The following SOX5 variants were observed in gnomAD, a reference collection of about 807,000 sequenced individuals.
SOX5 encodes the protein SRY-box transcription factor 5, also known as transcription factor SOX-5.
Under a neutral mutation model 92.0 loss-of-function variants are expected in SOX5, and 9 were observed. That is an observed-to-expected ratio of 0.10 (90% CI 0.06 to 0.17). The LOEUF (loss-of-function observed/expected upper bound fraction) is 0.17, where lower values mean the gene tolerates loss of function less well. SOX5 is among the 10% of genes least tolerant of loss of function. The probability of loss-of-function intolerance (pLI) is 1.00; values close to 1 mark genes in which losing one functional copy is unlikely to be tolerated. For synonymous variants in SOX5, 344 were observed against 336.3 expected (o/e 1.02, Z -0.25); for missense variants, 642 against 944.5 (o/e 0.68, Z 4.20).
chr12:23,972,640 T>G (rs1948473604), intron 4 of SOX5, among the ~76,000 whole-genome samples: 1 of 152,200 alleles, frequency 6.6e-6, no homozygotes, highest in South Asian at 2.1e-4. Flanking sequence ...ATTACAGGTA[T>G]GAGCCACTGC....
chr12:24,489,419 G>T lies in SOX5; in HGVS notation c.-251+72910C>A, dbSNP rs567961978. ...TGGGAGCTTGCTTCCTTTCCCTGGG[G>T]GTCTAAGTGGACTTGCGGGAGGCTG... On this transcript the variant is annotated intron_variant, in intron 1 of 4. Transcript: ENST00000446891. Among the ~76,000 whole-genome samples the T allele has an allele frequency of 2.0e-5, 3 of 152,180 alleles. No homozygotes were observed. The South Asian group carries it at 6.2e-4, about 32-fold the overall frequency.
chr12:23,628,615 C>T (rs1015120077), intron 8 of SOX5, among the ~76,000 whole-genome samples: 7 of 151,902 alleles, frequency 4.6e-5, no homozygotes, highest in African/African-American at 9.7e-5. Flanking sequence ...TCACTTTCTT[C>T]ATTCAAGGAG....
intron 7 of SOX5, among the ~76,000 whole-genome samples, chr12:23,662,451 A>G (rs1430927730): frequency 1.3e-5 from 2 of 152,092 alleles, no homozygotes; most frequent in African/African-American, 4.8e-5. Context: ...TGTCTAGTCA[A>G]TTTTCTCTGC....
At chr12:24,056,011 T>G (rs1263957474) in intron 4 of SOX5, among the ~76,000 whole-genome samples, 1 of 152,204 alleles carries the variant, frequency 6.6e-6, no homozygotes, top group South Asian at 2.1e-4. Context: ...CTCTCAATCT[T>G]TAACCATGTC....
chr12:23,830,619 C>T (rs150051293), intron 3 of SOX5, among the ~76,000 whole-genome samples: 69 of 152,244 alleles, frequency 4.5e-4, no homozygotes, highest in African/African-American at 1.6e-3. Flanking sequence ...GATCCGTTCA[C>T]TTTTTATTTT....
chr12:23,606,411 T>G (rs917655578), intron 8 of SOX5, among the ~76,000 whole-genome samples: 1 of 151,682 alleles, frequency 6.6e-6, no homozygotes, highest in Non-Finnish European at 1.5e-5. Context: ...TATTACTGAT[T>G]CGTTATACAC....
intron 8 of SOX5, among the ~76,000 whole-genome samples, chr12:23,610,710 C>T (rs2075847692): frequency 6.6e-6 from 1 of 152,054 alleles, no homozygotes; most frequent in Non-Finnish European, 1.5e-5. Flanking sequence ...CATTCATTCA[C>T]TCATTTCATT....
intron 4 of SOX5, among the ~76,000 whole-genome samples, chr12:24,008,435 T>A (rs755858352): frequency 4.6e-5 from 7 of 152,184 alleles, no homozygotes; most frequent in Admixed American, 1.3e-4. Flanking sequence ...GGCCTAATTA[T>A]GTCAGTCAGT....
In SOX5 at chr12:24,514,753, G is replaced by A. The variant is rs555734191; in HGVS notation, c.-251+47576C>T. 3.9e-5 allele frequency among the ~76,000 whole-genome samples: 6 copies of A among 152,234 alleles called. No homozygotes were observed. The South Asian group carries it at 1.0e-3, about 26-fold the overall frequency. On this transcript the variant is annotated intron_variant, in intron 1 of 4. Coordinates refer to the SOX5 transcript ENST00000446891. ...AAGGATGAGCTCATATCCTTTGCAGGGACATGGATGGAACTGGGGGCCATT... is the reference window on the plus strand; with the variant it reads ...AAGGATGAGCTCATATCCTTTGCAGAGACATGGATGGAACTGGGGGCCATT...
intron 3 of SOX5, among the ~76,000 whole-genome samples, chr12:23,761,174 G>A (rs889181187): frequency 2.0e-5 from 3 of 152,094 alleles, no homozygotes; most frequent in Non-Finnish European, 4.4e-5. Context: ...GACTATTCAT[G>A]CCATAAAATA....
chr12:23,591,825 CAT>C (rs1362075256), intron 9 of SOX5, among the ~76,000 whole-genome samples: 8 of 152,126 alleles, frequency 5.3e-5, no homozygotes, highest in African/African-American at 1.7e-4. Flanking sequence ...CTTCTTAAAA[CAT>C]ACTTCACAAC....
chr12:24,051,574 T>G (rs776197731), intron 4 of SOX5, among the ~76,000 whole-genome samples: 1 of 152,138 alleles, frequency 6.6e-6, no homozygotes, highest in South Asian at 2.1e-4. Context: ...TTTTTTACAT[T>G]TAAGATTGTA....
chr12:24,366,486 C>T (rs1425805962), intron 2 of SOX5, among the ~76,000 whole-genome samples: 1 of 152,050 alleles, frequency 6.6e-6, no homozygotes, highest in African/African-American at 2.4e-5. Context: ...CATCTTGCTA[C>T]CAAATGAAGT....
intron 1 of SOX5, among the ~76,000 whole-genome samples, chr12:24,478,409 C>T (rs1192550381): frequency 1.3e-5 from 2 of 152,152 alleles, no homozygotes; most frequent in Non-Finnish European, 2.9e-5. Flanking sequence ...TCAATAGCTT[C>T]ATCAGAACAC....
chr12:24,267,426 AAC>A (rs985772568), intron 3 of SOX5, among the ~76,000 whole-genome samples: 5 of 152,210 alleles, frequency 3.3e-5, no homozygotes, highest in Admixed American at 1.3e-4. Flanking sequence ...GAAAATAAAA[AAC>A]ACAATTCATA....
chr12:23,715,797 G>C (rs956750786), intron 6 of SOX5, among the ~76,000 whole-genome samples: 1 of 105,546 alleles, frequency 9.5e-6, no homozygotes, highest in Non-Finnish European at 1.7e-5. Context: ...TAAGGAAAGA[G>C]TAGTAATTTC....
chr12:23,534,389 C>G lies in SOX5; in HGVS notation c.2122G>C (p.Val708Leu), dbSNP rs202221487. The change falls in exon 15 of 15, where the codon GTT becomes CTT. Residue 708 changes from valine to leucine, a missense_variant. Transcript: ENST00000451604. ...TTCACACCGTAAGTGCTCTGGATAA[C>G]AGGCATCCCAGGCTCTGGGCTGCTA... is the stretch of plus-strand genomic sequence containing the variant. Reference protein sequence around the residue: ...VSSSPEPGMPVIQSTYGVKGE... With the variant: ...VSSSPEPGMPLIQSTYGVKGE... 1 of 1,614,178 alleles carries G rather than the reference C, an allele frequency of 6.2e-7. No homozygotes were observed. Among genetic ancestry groups the G allele is most frequent in the Non-Finnish European group, 8.5e-7 (1 of 1,180,030 alleles).
chr12:24,348,559 T>C (rs1953649356), intron 2 of SOX5, among the ~76,000 whole-genome samples: 1 of 152,010 alleles, frequency 6.6e-6, no homozygotes, highest in Admixed American at 6.5e-5. Context: ...ATTTTTGTAC[T>C]TTTAGTAGAG....
intron 1 of SOX5, among the ~76,000 whole-genome samples, chr12:23,904,467 A>G (rs2097270051): frequency 6.6e-6 from 1 of 152,210 alleles, no homozygotes; most frequent in African/African-American, 2.4e-5. Context: ...TAAAAAAGAT[A>G]AACTTCCTTG....
Sources: allele counts gnomAD v4.1 joint callset (sites outside exome capture counted in the v4.1 genomes callset), GRCh38; gene constraint gnomAD v4.1.1; transcripts MANE v1.5; gene names NCBI Gene and HGNC (gene_info 2026-07-23, HGNC 2026-07-21).